The following SOBP variants were observed in gnomAD, a reference collection of about 807,000 sequenced individuals.
SOBP encodes sine oculis binding protein homolog, also known as sine oculis-binding protein homolog.
Under a neutral mutation model 53.6 loss-of-function variants are expected in SOBP, and 4 were observed. The ratio of observed to expected loss-of-function variants is 0.07; its 90% CI spans 0.04 to 0.17. The LOEUF (loss-of-function observed/expected upper bound fraction) is 0.17, where lower values mean the gene tolerates loss of function less well. Ranked by LOEUF, SOBP falls within the 10% of genes least tolerant of loss-of-function variation. The probability of loss-of-function intolerance (pLI) is 1.00; values close to 1 mark genes in which losing one functional copy is unlikely to be tolerated. For missense variants in SOBP, 1,088 were observed against 1,204.7 expected (o/e 0.90, Z 1.43); for synonymous variants, 584 against 522.6 (o/e 1.12, Z -1.60).
chr6:107,532,466 C>T (rs905859239), intron 3 of SOBP, among the ~76,000 whole-genome samples: 5 of 151,866 alleles, frequency 3.3e-5, no homozygotes, highest in African/African-American at 1.2e-4. Context: ...TTTGTCATAA[C>T]TTCTGACCAC....
At chr6:107,604,331 G>T (rs1025141362) in intron 5 of SOBP, among the ~76,000 whole-genome samples, 1 of 152,198 alleles carries the variant, frequency 6.6e-6, no homozygotes, top group East Asian at 1.9e-4. Flanking sequence ...TTTGTCATCT[G>T]TGAATGCTTG....
chr6:107,561,699 C>G (rs898466240), intron 4 of SOBP, among the ~76,000 whole-genome samples: 1 of 152,160 alleles, frequency 6.6e-6, no homozygotes, highest in African/African-American at 2.4e-5. Context: ...TTTTCTGAAA[C>G]AAGACAAATT....
At chr6:107,507,565 C>T (rs1783033404) in intron 3 of SOBP, among the ~76,000 whole-genome samples, 1 of 152,164 alleles carries the variant, frequency 6.6e-6, no homozygotes, top group African/African-American at 2.4e-5. Context: ...CTCGGCCTCT[C>T]AAAGTGCTGG....
chr6:107,610,107 C>T (rs1305292509), intron 5 of SOBP, among the ~76,000 whole-genome samples: 6 of 152,194 alleles, frequency 3.9e-5, no homozygotes, highest in African/African-American at 1.4e-4. Flanking sequence ...CTGGGGAAAA[C>T]AGAAAACACT....
intron 5 of SOBP, among the ~76,000 whole-genome samples, chr6:107,627,547 G>A (rs914118290): frequency 6.6e-6 from 1 of 152,134 alleles, no homozygotes; most frequent in Admixed American, 6.5e-5. Context: ...TTCTAACAAA[G>A]ATGTTCTTTA....
Position 107,604,037 on chromosome 6 carries a change from C to T in SOBP, c.669+16862C>T, listed in dbSNP as rs77171757. ...TGTCCCAAGATTTGCACACCCTTTT[C>T]TGTTTCACCTATTTTGTCTGTTTTC... On this transcript the variant is annotated intron_variant, in intron 5 of 6. Coordinates refer to ENST00000317357, the MANE Select transcript of SOBP (RefSeq NM_018013.4). Among the ~76,000 whole-genome samples the T allele has an allele frequency of 4.7e-4, 71 of 152,296 alleles. 1 individual carries two copies. The East Asian group carries it at 0.013, about 27-fold the overall frequency.
chr6:107,574,762 G>A (rs746683440), intron 4 of SOBP, among the ~76,000 whole-genome samples: 2 of 152,152 alleles, frequency 1.3e-5, no homozygotes, highest in Non-Finnish European at 2.9e-5. Flanking sequence ...ATACTGGTGG[G>A]CCTAGGATTT....
chr6:107,532,280 A>C (rs1438090151), intron 3 of SOBP, among the ~76,000 whole-genome samples: 1 of 150,356 alleles, frequency 6.7e-6, no homozygotes, highest in Admixed American at 6.6e-5. Flanking sequence ...CACCACACAC[A>C]CACACACACA....
At chr6:107,616,138 G>T (rs543167526) in intron 5 of SOBP, among the ~76,000 whole-genome samples, 15 of 151,264 alleles carry the variant, frequency 9.9e-5, no homozygotes, top group African/African-American at 3.2e-4. Context: ...AATAAATCAG[G>T]AGCTTTTCTT....
At chr6:107,509,336 G>A (rs1398122636) in intron 3 of SOBP, among the ~76,000 whole-genome samples, 6 of 151,322 alleles carry the variant, frequency 4.0e-5, no homozygotes, top group Non-Finnish European at 8.8e-5. Flanking sequence ...GGAGGTTGCG[G>A]TGAGCCAAGA....
In SOBP at chr6:107,660,767, G is replaced by A. The variant is rs1398965020; in HGVS notation, c.*2564G>A. Among the ~76,000 whole-genome samples, 1 of 152,150 alleles carries A rather than the reference G, an allele frequency of 6.6e-6. No individual in the cohort carries two copies. Among genetic ancestry groups the A allele is most frequent in the Non-Finnish European group, 1.5e-5 (1 of 68,036 alleles). On this transcript the variant is annotated 3_prime_UTR_variant, in exon 7 of 7. Transcript: ENST00000317357. ...TATGAAAAAACAGAAGCCTAGAAAA[G>A]CAACTCGACCTGTTCAGAGTCTCGC...
At chr6:107,607,280 G>A (rs890197017) in intron 5 of SOBP, among the ~76,000 whole-genome samples, 1 of 152,160 alleles carries the variant, frequency 6.6e-6, no homozygotes, top group South Asian at 2.1e-4. Flanking sequence ...CAGGCAATTG[G>A]TGACAATTTG....
chr6:107,603,166 C>G (rs569553062), intron 5 of SOBP, among the ~76,000 whole-genome samples: 5 of 152,202 alleles, frequency 3.3e-5, no homozygotes, highest in Non-Finnish European at 7.3e-5. Flanking sequence ...ATGTTTTAAA[C>G]TCTGCAGCCA....
chr6:107,593,361 G>C (rs2115069156), intron 5 of SOBP, among the ~76,000 whole-genome samples: 1 of 152,276 alleles, frequency 6.6e-6, no homozygotes, highest in Non-Finnish European at 1.5e-5. Context: ...GGGGATCTTT[G>C]CCCTTCAGAT....
intron 5 of SOBP, among the ~76,000 whole-genome samples, chr6:107,612,841 A>G (rs972900078): frequency 8.5e-5 from 13 of 152,318 alleles, no homozygotes; most frequent in Non-Finnish European, 1.8e-4. Flanking sequence ...AAGTGGAATT[A>G]TGTGGCCTTT....
chr6:107,504,622 A>C (rs550948186), intron 2 of SOBP, among the ~76,000 whole-genome samples: 1 of 152,232 alleles, frequency 6.6e-6, no homozygotes, highest in Non-Finnish European at 1.5e-5. Context: ...ATCACTGGCA[A>C]TTTGATCAAT....
At chr6:107,562,571 G>A (rs191717522) in intron 4 of SOBP, among the ~76,000 whole-genome samples, 1 of 152,296 alleles carries the variant, frequency 6.6e-6, no homozygotes, top group Admixed American at 6.5e-5. Context: ...TTAAATTCAT[G>A]ACCAGAATTC....
At chr6:107,553,768 G>C (rs1468221524) in intron 4 of SOBP, among the ~76,000 whole-genome samples, 1 of 152,164 alleles carries the variant, frequency 6.6e-6, no homozygotes, top group Non-Finnish European at 1.5e-5. Flanking sequence ...TTACAGGTGT[G>C]AGCCACTGTG....
chr6:107,611,678 G>A (rs1204361413), intron 5 of SOBP, among the ~76,000 whole-genome samples: 3 of 152,194 alleles, frequency 2.0e-5, no homozygotes, highest in Admixed American at 6.5e-5. Flanking sequence ...GGTACGCAAT[G>A]GTGGCGACAT....
Sources: allele counts gnomAD v4.1 joint callset (sites outside exome capture counted in the v4.1 genomes callset), GRCh38; gene constraint gnomAD v4.1.1; transcripts MANE v1.5; gene names NCBI Gene and HGNC (gene_info 2026-07-23, HGNC 2026-07-21).